LMCD1: variants seen among roughly 807,000 people sequenced by gnomAD.
LMCD1 encodes the protein LIM and cysteine rich domains 1, also known as LIM and cysteine-rich domains protein 1.
LMCD1 carries 32 observed loss-of-function variants against 42.7 expected under a neutral mutation model. The observed-to-expected ratio is 0.75, with a 90% CI of 0.57 to 1.01. The LOEUF (loss-of-function observed/expected upper bound fraction) is 1.01. LMCD1 is among the 50% of genes least tolerant of loss of function. The pLI is 0.00. For missense variants in LMCD1, 458 were observed against 483.1 expected, an observed-to-expected ratio of 0.95 and a Z score of 0.49; for synonymous variants, 178 against 184.9, an observed-to-expected ratio of 0.96 and a Z score of 0.30.
chr3:8,543,476 T>TAGAC (rs1354539639), intron 3 of LMCD1, among the ~76,000 whole-genome samples: 22 of 151,612 alleles, frequency 1.5e-4, no homozygotes, highest in South Asian at 4.2e-4. Context: ...GACAGACAGA[T>TAGAC]AGACAGACAG....
At chr3:8,555,236 G>A (rs1296427401) in intron 4 of LMCD1, among the ~76,000 whole-genome samples, 4 of 151,770 alleles carry the variant, frequency 2.6e-5, no homozygotes, top group Admixed American at 6.6e-5. Context: ...AGCAGCTGGC[G>A]GCTCAGCCCA....
At chr3:8,534,539 A>G (rs1694476699) in intron 2 of LMCD1, among the ~76,000 whole-genome samples, 1 of 152,226 alleles carries the variant, frequency 6.6e-6, no homozygotes, top group Non-Finnish European at 1.5e-5. Context: ...ATTAGACTCA[A>G]ATTGAAGCAG....
chr3:8,546,778 A>C (rs958702377), intron 3 of LMCD1, among the ~76,000 whole-genome samples: 1 of 152,224 alleles, frequency 6.6e-6, no homozygotes, highest in African/African-American at 2.4e-5. Context: ...GTGAAGGTAG[A>C]AATCAAGCCT....
chr3:8,539,479 T>C (rs1377956382), intron 3 of LMCD1, among the ~76,000 whole-genome samples: 4 of 152,090 alleles, frequency 2.6e-5, no homozygotes, highest in Non-Finnish European at 5.9e-5. Flanking sequence ...ACATGCCCGG[T>C]AGTTCAGAGC....
chr3:8,505,851 A>C (rs1028994335), intron 1 of LMCD1, among the ~76,000 whole-genome samples: 4 of 152,228 alleles, frequency 2.6e-5, no homozygotes, highest in African/African-American at 4.8e-5. Context: ...AACTACTGGC[A>C]CATCACCCGG....
intron 1 of LMCD1, among the ~76,000 whole-genome samples, chr3:8,502,327 AT>A (rs1467025736): frequency 3.8e-5 from 1 of 26,482 alleles, no homozygotes; most frequent in African/African-American, 1.5e-4. Flanking sequence ...TATATTATAT[AT>A]AATATATATT....
At chr3:8,564,430 C>A (rs183510736) in intron 4 of LMCD1, among the ~76,000 whole-genome samples, 1 of 152,240 alleles carries the variant, frequency 6.6e-6, no homozygotes, top group Non-Finnish European at 1.5e-5. Context: ...ACCATCACAA[C>A]TGGCTAATTT....
intron 3 of LMCD1, among the ~76,000 whole-genome samples, chr3:8,541,365 C>A (rs7646101): frequency 0.35 from 53,468 of 151,888 alleles, 10,226 homozygotes; most frequent in Non-Finnish European, 0.45. Flanking sequence ...GCCTGACCAA[C>A]ATGGTGAAAC....
intron 4 of LMCD1, among the ~76,000 whole-genome samples, chr3:8,549,184 A>T (rs1046640766): frequency 1.3e-5 from 2 of 152,156 alleles, no homozygotes; most frequent in Non-Finnish European, 2.9e-5. Context: ...GGTGAGGGTA[A>T]GCTTCAAGAA....
intron 1 of LMCD1, among the ~76,000 whole-genome samples, chr3:8,530,752 G>A (rs1041746355): frequency 3.3e-5 from 5 of 152,226 alleles, no homozygotes; most frequent in Non-Finnish European, 5.9e-5. Flanking sequence ...GGTGTCAAGG[G>A]GAGGTGGAAA....
chr3:8,534,185 G>A (rs566673461), intron 2 of LMCD1, among the ~76,000 whole-genome samples: 39 of 151,596 alleles, frequency 2.6e-4, no homozygotes, highest in African/African-American at 9.2e-4. Context: ...CTTGAGCCAG[G>A]GGAAAATGTT....
Position 8,537,223 on chromosome 3 carries a change from A to G in LMCD1, c.170A>G (p.His57Arg). ...TCTTGCAAATGCAGCCAAGAGGACC[A>G]CTGCCTAACATCTGACCTAGAAGAC... The part of the protein sequence containing the change: ...CKSCKCSQED[H>R]CLTSDLEDDR... The change falls in exon 3 of 6, where the codon CAC becomes CGC. Residue 57 changes from histidine to arginine, a missense_variant. Physicochemically the swap from His to Arg is conservative, Grantham distance 29 (BLOSUM62 0). Transcript: ENST00000157600. The G allele has an allele frequency of 6.2e-7, 1 of 1,614,194 alleles. No homozygotes were observed. Among genetic ancestry groups the G allele is most frequent in the Non-Finnish European group, 8.5e-7 (1 of 1,180,038 alleles).
chr3:8,508,069 C>T (rs1192268221), intron 1 of LMCD1, among the ~76,000 whole-genome samples: 1 of 152,178 alleles, frequency 6.6e-6, no homozygotes, highest in East Asian at 1.9e-4. Context: ...AGAATAAAGA[C>T]TTTCTTGATT....
At chr3:8,524,200 GAAA>G (rs767993356) in intron 1 of LMCD1, among the ~76,000 whole-genome samples, 19 of 87,472 alleles carry the variant, frequency 2.2e-4, no homozygotes, top group African/African-American at 6.4e-4. Context: ...ACTTCTTAAG[GAAA>G]AAAAAAAAAA....
intron 4 of LMCD1, among the ~76,000 whole-genome samples, chr3:8,558,107 G>A (rs1483370913): frequency 1.3e-5 from 2 of 152,136 alleles, no homozygotes; most frequent in African/African-American, 4.8e-5. Context: ...TACTACCCTG[G>A]GAGCTGCATA....
At chr3:8,507,625 G>T (rs541830904) in intron 1 of LMCD1, among the ~76,000 whole-genome samples, 1 of 152,290 alleles carries the variant, frequency 6.6e-6, no homozygotes, top group African/African-American at 2.4e-5. Flanking sequence ...CTAAGGGTCC[G>T]GAGATGATTG....
At chr3:8,560,490 G>A (rs146138392) in intron 4 of LMCD1, among the ~76,000 whole-genome samples, 180 of 152,282 alleles carry the variant, frequency 1.2e-3, no homozygotes, top group African/African-American at 4.2e-3. Context: ...ATTTGTAAAT[G>A]TGGAGTGGGG....
At position 8,569,035 on chromosome 3, in the gene LMCD1, T is replaced by G. The variant is rs1247923990; in HGVS notation, c.*1437T>G. ...CTCCTTTCTCTAGTCACCCTCAGTT[T>G]CCTCGTCATGTTCATCTTCTCAAAG... On this transcript the variant is annotated 3_prime_UTR_variant, in exon 6 of 6. Transcript: ENST00000157600. The G allele has an allele frequency of 1.3e-5, 2 of 152,212 alleles. No homozygotes were observed. The highest frequency in any genetic ancestry group is 2.9e-5 in the Non-Finnish European group (2 of 68,046). 9.4% of individuals were successfully genotyped at this position (152,212 alleles called of 1,614,324 possible). A position where few individuals can be genotyped will look rare whatever the true frequency, so the allele number is the denominator to read the frequency against.
rs755673019 is a variant in LMCD1, at chr3:8,532,847, G to T, written c.131+22G>T. On this transcript the variant is annotated intron_variant, in intron 2 of 5. Coordinates refer to ENST00000157600, the MANE Select transcript of LMCD1 (RefSeq NM_014583.4). The stretch of plus-strand genomic sequence containing the variant: ...GGAGGTAACAGATTTTGTCAGGAGG[G>T]TCCCTGTCTGCCTTTGTTACTTGGC... 18 of 1,595,186 alleles carry T rather than the reference G, an allele frequency of 1.1e-5. No homozygotes were observed. The Admixed American group carries it at 2.8e-4, about 25-fold the overall frequency.
Sources: gnomAD v4.1 joint callset for allele counts (sites outside exome capture counted in the v4.1 genomes callset) on GRCh38, gnomAD v4.1.1 for gene constraint, MANE v1.5 for transcripts, NCBI Gene and HGNC (gene_info 2026-07-23, HGNC 2026-07-21) for gene names.